STK31: variants seen among roughly 807,000 people sequenced by gnomAD.
STK31 encodes serine/threonine kinase 31.
In STK31, 89 loss-of-function variants were observed where a neutral mutation model predicts 129.7. The ratio of observed to expected loss-of-function variants is 0.69; its 90% CI spans 0.58 to 0.82. The LOEUF (loss-of-function observed/expected upper bound fraction) is 0.82, where lower values mean the gene tolerates loss of function less well. Ranked by LOEUF, STK31 falls within the 40% of genes least tolerant of loss-of-function variation. STK31 has a pLI of 0.00. For missense variants in STK31, 1,187 were observed against 1,176.4 expected, an observed-to-expected ratio of 1.01 and a Z score of -0.13; for synonymous variants, 448 against 395.3, an observed-to-expected ratio of 1.13 and a Z score of -1.58.
chr7:23,730,878 A>ATTTTTTTTTTT (rs60712892), intron 6 of STK31, among the ~76,000 whole-genome samples: 9 of 59,542 alleles, frequency 1.5e-4, no homozygotes, highest in East Asian at 4.5e-4. Flanking sequence ...ATATATATAT[A>ATTTTTTTTTTT]TTTTTTTTTT....
chr7:23,758,449 T>TTG (rs1180197216), intron 10 of STK31, among the ~76,000 whole-genome samples: 14 of 152,060 alleles, frequency 9.2e-5, no homozygotes, highest in Non-Finnish European at 1.9e-4. Context: ...AGTGTTTTTT[T>TTG]TGTGTGTGTG....
At chr7:23,787,306 C>T (rs890647992) in intron 20 of STK31, among the ~76,000 whole-genome samples, 19 of 152,126 alleles carry the variant, frequency 1.2e-4, no homozygotes, top group African/African-American at 4.6e-4. Context: ...TTAGTAATAA[C>T]AGTAAAGGAG....
chr7:23,788,525 C>T (rs1445329432), intron 21 of STK31, among the ~76,000 whole-genome samples: 1 of 152,048 alleles, frequency 6.6e-6, no homozygotes, highest in Non-Finnish European at 1.5e-5. Flanking sequence ...TAATAATGTG[C>T]ATTTTTAGAA....
At chr7:23,746,858 T>A (rs1788384754) in intron 8 of STK31, among the ~76,000 whole-genome samples, 1 of 151,914 alleles carries the variant, frequency 6.6e-6, no homozygotes, top group African/African-American at 2.4e-5. Flanking sequence ...TAAAATTATT[T>A]AACTTACTAA....
chr7:23,728,958 A>T, intron 5 of STK31, 133 bp from the exon 6 acceptor site: 1 of 659,562 alleles, frequency 1.5e-6, no homozygotes, highest in Non-Finnish European at 2.3e-6. Flanking sequence ...CTGTTTCTGA[A>T]TGTATTTTGT....
At position 23,762,917 on chromosome 7, in the gene STK31, A is replaced by T; in HGVS notation, c.1410A>T (p.Thr470=). 1 of 1,565,384 alleles carries T rather than the reference A, an allele frequency of 6.4e-7. No individual in the cohort carries two copies. The highest frequency in any genetic ancestry group is 8.6e-7 in the Non-Finnish European group (1 of 1,162,482). ...CATCTCTTAATAAACGCTTAAAAAC[A>T]TTGCAGGTTGGAATTAAAAATATAT... The part of the protein sequence containing the change: ...DESSLNKRLK[T]LQDLSVSLEA... The change falls in exon 11 of 24, where the codon ACA becomes ACT. Residue 470 remains threonine (T), a synonymous_variant. Coordinates refer to ENST00000355870, the MANE Select transcript of STK31 (RefSeq NM_031414.5).
chr7:23,826,695 G>A (rs111955669), intron 23 of STK31, among the ~76,000 whole-genome samples: 1 of 152,174 alleles, frequency 6.6e-6, no homozygotes, highest in Non-Finnish European at 1.5e-5. Context: ...TCCTAGCCTT[G>A]ATGGTCTTTA....
chr7:23,748,364 G>T (rs573146155), intron 8 of STK31, among the ~76,000 whole-genome samples: 1 of 152,200 alleles, frequency 6.6e-6, no homozygotes, highest in African/African-American at 2.4e-5. Flanking sequence ...GGCCCAGAAT[G>T]TGGTGGCGTA....
At chr7:23,770,403 T>C (rs1790107598) in intron 13 of STK31, among the ~76,000 whole-genome samples, 1 of 152,176 alleles carries the variant, frequency 6.6e-6, no homozygotes, top group Non-Finnish European at 1.5e-5. Context: ...AAGTTTTATA[T>C]TGTTAAATAG....
intron 10 of STK31, 22 bp downstream of exon 10, chr7:23,754,496 A>C: frequency 2.5e-6 from 4 of 1,598,190 alleles, no homozygotes; most frequent in Non-Finnish European, 3.4e-6. Context: ...ATTTTTCTCT[A>C]TTGTGGTTTT....
intron 15 of STK31, among the ~76,000 whole-genome samples, chr7:23,778,944 T>G (rs932536765): frequency 2.2e-4 from 34 of 152,158 alleles, no homozygotes; most frequent in African/African-American, 8.2e-4. Context: ...ACCCTTTTTG[T>G]GCTGGTTTTT....
chr7:23,797,008 A>AGTGT (rs1792007466), intron 22 of STK31, among the ~76,000 whole-genome samples: 2 of 152,218 alleles, frequency 1.3e-5, no homozygotes, highest in South Asian at 2.1e-4. Context: ...AGATCAAGAA[A>AGTGT]GTGTAAGAAG....
In STK31 at chr7:23,786,490, C is replaced by G. The variant is rs777277846; in HGVS notation, c.2275-18C>G. 5.7e-6 allele frequency: 9 copies of G among 1,573,540 alleles called. No homozygotes were observed. The East Asian group carries it at 6.8e-5, about 12-fold the overall frequency. ...ATTTTCATCTTGGAATTACGAGTGCCTCTTTCTTTGGTACAAGGGCTATTC... is the reference window on the plus strand; with the variant it reads ...ATTTTCATCTTGGAATTACGAGTGCGTCTTTCTTTGGTACAAGGGCTATTC... On this transcript the variant is annotated intron_variant, in intron 18 of 23. Coordinates refer to ENST00000355870, the MANE Select transcript of STK31 (RefSeq NM_031414.5).
intron 1 of STK31, 176 bp downstream of exon 1, chr7:23,710,511 C>G: frequency 6.8e-7 from 1 of 1,469,094 alleles, no homozygotes; most frequent in East Asian, 2.5e-5. Context: ...TGAGTGCATG[C>G]AGGCAGGCGA....
intron 3 of STK31, 66 bp from the exon 4 acceptor site, chr7:23,717,415 C>A: frequency 3.6e-6 from 4 of 1,097,406 alleles, no homozygotes; most frequent in South Asian, 1.6e-5. Context: ...ATGCTTAGAA[C>A]CCTCAAGCGT....
In STK31 at chr7:23,783,580, T is replaced by C; in HGVS notation, c.2068-3T>C. ...GTTAAAAACTTTTTTTTTTTAACTTTAGGAGATGCTAACTAGTTTGGCACA... is the reference window on the plus strand; with the variant it reads ...GTTAAAAACTTTTTTTTTTTAACTTCAGGAGATGCTAACTAGTTTGGCACA... On this transcript the variant is annotated splice_polypyrimidine_tract_variant and splice_region_variant and intron_variant, in intron 16 of 23. Coordinates refer to ENST00000355870, the MANE Select transcript of STK31 (RefSeq NM_031414.5). 6.2e-7 allele frequency: 1 copy of C among 1,603,252 alleles called. No homozygotes were observed. Among genetic ancestry groups the C allele is most frequent in the Non-Finnish European group, 8.5e-7 (1 of 1,177,814 alleles).
chr7:23,724,185 A>C (rs1786906145), intron 4 of STK31, among the ~76,000 whole-genome samples: 1 of 152,204 alleles, frequency 6.6e-6, no homozygotes, highest in Non-Finnish European at 1.5e-5. Context: ...ACAGGAACTC[A>C]AGGCTTTATG....
chr7:23,759,737 A>G (rs1789338240), intron 10 of STK31, among the ~76,000 whole-genome samples: 2 of 152,224 alleles, frequency 1.3e-5, no homozygotes, highest in Non-Finnish European at 2.9e-5. Context: ...AACATTATTT[A>G]TGGTAAGTAT....
intron 3 of STK31, among the ~76,000 whole-genome samples, chr7:23,715,580 A>C (rs1235040482): frequency 2.0e-5 from 3 of 151,738 alleles, no homozygotes. Flanking sequence ...AGATTGCACC[A>C]AACAAACAAA....
Sources: allele counts gnomAD v4.1 joint callset (sites outside exome capture counted in the v4.1 genomes callset), GRCh38; gene constraint gnomAD v4.1.1; transcripts MANE v1.5; gene names NCBI Gene and HGNC (gene_info 2026-07-23, HGNC 2026-07-21).